The following RAD54L2 variants were observed in gnomAD, a reference collection of about 807,000 sequenced individuals.
RAD54L2 encodes RAD54 like 2.
RAD54L2 carries 27 observed loss-of-function variants against 138.4 expected under a neutral mutation model. The ratio of observed to expected loss-of-function variants is 0.20; its 90% CI spans 0.14 to 0.27. The LOEUF (loss-of-function observed/expected upper bound fraction) is 0.27. Among genes scored for constraint, RAD54L2 ranks in the 10% least tolerant of loss-of-function variants. The pLI is 1.00. For synonymous variants in RAD54L2, 644 were observed against 723.2 expected (o/e 0.89, Z 1.76); for missense variants, 1,396 against 1,890.2 (o/e 0.74, Z 4.85).
intron 20 of RAD54L2, among the ~76,000 whole-genome samples, chr3:51,656,789 A>C (rs1193404218): frequency 1.3e-5 from 2 of 151,674 alleles, no homozygotes; most frequent in Non-Finnish European, 2.9e-5. Flanking sequence ...TTGCTTTGTC[A>C]CTCAGGCTGG....
At chr3:51,550,097 G>A (rs115024603) in intron 2 of RAD54L2, among the ~76,000 whole-genome samples, 46 of 152,280 alleles carry the variant, frequency 3.0e-4, no homozygotes, top group African/African-American at 1.1e-3. Flanking sequence ...TTTCTGGACA[G>A]TCAGGAAAAT....
At chr3:51,541,803 C>T (rs1287405769) in intron 2 of RAD54L2, 153 bp downstream of exon 2, 1 of 152,124 alleles carries the variant, frequency 6.6e-6, no homozygotes, top group East Asian at 1.9e-4. Flanking sequence ...GTGTATATAT[C>T]TTGGGCAAAA....
intron 3 of RAD54L2, among the ~76,000 whole-genome samples, chr3:51,590,888 T>C (rs1699824680): frequency 1.3e-5 from 2 of 152,344 alleles, no homozygotes; most frequent in Middle Eastern, 3.4e-3. Flanking sequence ...GGTAAGACTT[T>C]GCAGTCTGGA....
At chr3:51,539,692 G>C (rs1698503182) in intron 1 of RAD54L2, among the ~76,000 whole-genome samples, 1 of 152,170 alleles carries the variant, frequency 6.6e-6, no homozygotes, top group Admixed American at 6.5e-5. Context: ...GGGTCATGGT[G>C]GTGGCAGCCT....
intron 19 of RAD54L2, among the ~76,000 whole-genome samples, chr3:51,646,697 C>T (rs1232449756): frequency 6.6e-6 from 1 of 152,124 alleles, no homozygotes. Flanking sequence ...GAGCTGCTGG[C>T]CCGTGACCCA....
intron 3 of RAD54L2, among the ~76,000 whole-genome samples, chr3:51,608,503 G>A (rs1032805772): frequency 1.3e-5 from 2 of 152,178 alleles, no homozygotes; most frequent in Non-Finnish European, 2.9e-5. Context: ...TGTAGCGAGC[G>A]GAGATCACAC....
chr3:51,541,723 G>GT (rs1559609804), intron 2 of RAD54L2, 73 bp downstream of exon 2: 1 of 152,100 alleles, frequency 6.6e-6, no homozygotes, highest in Non-Finnish European at 1.5e-5. Context: ...AAATCTGAAT[G>GT]TTTTTTGCTT....
chr3:51,594,911 A>T (rs1018898253), intron 3 of RAD54L2, among the ~76,000 whole-genome samples: 6 of 116,586 alleles, frequency 5.1e-5, no homozygotes, highest in South Asian at 2.6e-4. Flanking sequence ...TCGCTCTGTC[A>T]TCCAGGCTGG....
chr3:51,589,478 G>A (rs1389014052), intron 2 of RAD54L2, among the ~76,000 whole-genome samples: 1 of 152,116 alleles, frequency 6.6e-6, no homozygotes, highest in African/African-American at 2.4e-5. Flanking sequence ...ACAGAAAACT[G>A]CACACTTCAT....
intron 3 of RAD54L2, among the ~76,000 whole-genome samples, chr3:51,607,817 C>T (rs1478024004): frequency 1.3e-5 from 2 of 151,176 alleles, no homozygotes. Context: ...AGGGGCTCCT[C>T]ACCTCCCAGA....
chr3:51,662,559 GTA>G lies in RAD54L2; in HGVS notation c.3545_3546del (p.Tyr1182CysfsTer41). 1 of 1,613,884 alleles carries G rather than the reference GTA, an allele frequency of 6.2e-7. No individual in the cohort carries two copies. Among genetic ancestry groups the G allele is most frequent in the South Asian group, 1.1e-5 (1 of 91,044 alleles). On this transcript the variant is annotated frameshift_variant, in exon 23 of 23. Transcript: ENST00000684192. LOFTEE classifies it high-confidence loss of function. The surrounding 1 kb of genome is among the most constrained non-coding windows in gnomAD (Gnocchi z 4.6). ...SPEIISELQQ[Y>X]ADVAAARESR... ...CAGAGATCATCAGTGAGCTTCAGCA[GTA>G]TGCAGATGTGGCTGCTGCCCGGGAA...
intron 2 of RAD54L2, among the ~76,000 whole-genome samples, chr3:51,569,229 A>C (rs548661534): frequency 2.0e-5 from 3 of 152,310 alleles, no homozygotes; most frequent in South Asian, 4.1e-4. Flanking sequence ...AAAATACAGA[A>C]GTTATAGCTG....
At position 51,638,256 on chromosome 3, in the gene RAD54L2, C is replaced by T. The variant is rs1701039183; in HGVS notation, c.1795C>T (p.Arg599Trp). 3 of 1,613,842 alleles carry T rather than the reference C, an allele frequency of 1.9e-6. No homozygotes were observed. Among genetic ancestry groups the T allele is most frequent in the South Asian group, 1.1e-5 (1 of 91,090 alleles). The change falls in exon 12 of 23, where the codon CGG becomes TGG. Residue 599 changes from arginine (R) to tryptophan (W), a missense_variant. By Grantham distance (101) the Arg-to-Trp change is moderately radical. Transcript: ENST00000684192. The surrounding 1 kb of genome is among the most constrained non-coding windows in gnomAD (Gnocchi z 4.3). ...DLYTQFMDRFRDCGSSGWLGL... is the reference protein window; with the variant it reads ...DLYTQFMDRFWDCGSSGWLGL... Reference sequence around the variant, plus strand: ...GTATACACAGTTCATGGATCGCTTCCGGGACTGTGGTAGCAGCGGTTGGCT... The same window carrying T: ...GTATACACAGTTCATGGATCGCTTCTGGGACTGTGGTAGCAGCGGTTGGCT...
intron 2 of RAD54L2, among the ~76,000 whole-genome samples, chr3:51,589,935 G>C (rs1355030647): frequency 6.6e-6 from 1 of 152,102 alleles, no homozygotes; most frequent in Non-Finnish European, 1.5e-5. Context: ...TGGTGATTTG[G>C]ATACGGTTAG....
At chr3:51,592,476 T>C (rs1285856921) in intron 3 of RAD54L2, among the ~76,000 whole-genome samples, 1 of 152,164 alleles carries the variant, frequency 6.6e-6, no homozygotes, top group Non-Finnish European at 1.5e-5. Context: ...TTAACTGACT[T>C]CTTGGAATTT....
intron 1 of RAD54L2, chr3:51,541,069 A>G (rs1698536797): frequency 6.8e-6 from 1 of 146,912 alleles, no homozygotes; most frequent in African/African-American, 2.5e-5. Flanking sequence ...AAAAAGTAGT[A>G]TTCTTTCTCT....
intron 3 of RAD54L2, among the ~76,000 whole-genome samples, chr3:51,601,094 T>C (rs1422415269): frequency 1.3e-5 from 2 of 152,158 alleles, no homozygotes; most frequent in African/African-American, 4.8e-5. Context: ...AGATATGGAA[T>C]AGAAGAACTG....
At chr3:51,543,589 C>T (rs1698610462) in intron 2 of RAD54L2, among the ~76,000 whole-genome samples, 1 of 110,200 alleles carries the variant, frequency 9.1e-6, no homozygotes, top group African/African-American at 3.6e-5. Flanking sequence ...GCCTAGGCAA[C>T]AAGAGCGAAA....
intron 3 of RAD54L2, among the ~76,000 whole-genome samples, chr3:51,617,322 C>A (rs182708652): frequency 2.0e-5 from 3 of 152,140 alleles, no homozygotes; most frequent in Non-Finnish European, 4.4e-5. Flanking sequence ...AGTGATTATA[C>A]CACTCTTTAC....
Sources: allele counts gnomAD v4.1 joint callset (sites outside exome capture counted in the v4.1 genomes callset), GRCh38; gene constraint gnomAD v4.1.1; non-coding constraint Gnocchi (gnomAD v3.1); transcripts MANE v1.5; gene names NCBI Gene and HGNC (gene_info 2026-07-23, HGNC 2026-07-21).